The following GRK6 variants were observed in gnomAD, a reference collection of about 807,000 sequenced individuals.
The protein encoded by GRK6 is G protein-coupled receptor kinase 6.
A neutral mutation model predicts 80.8 loss-of-function variants in GRK6; 37 were observed. The ratio of observed to expected loss-of-function variants is 0.46; its 90% CI spans 0.35 to 0.60. The LOEUF (loss-of-function observed/expected upper bound fraction) is 0.60, where lower values mean the gene tolerates loss of function less well. Ranked by LOEUF, GRK6 falls within the 20% of genes least tolerant of loss-of-function variation. GRK6 has a pLI of 0.00. For synonymous variants in GRK6, 295 were observed against 320.9 expected, an observed-to-expected ratio of 0.92 and a Z score of 0.86; for missense variants, 560 against 784.6, an observed-to-expected ratio of 0.71 and a Z score of 3.42.
chr5:177,427,257 G>T (rs1482328179), intron 1 of GRK6, among the ~76,000 whole-genome samples: 1 of 152,210 alleles, frequency 6.6e-6, no homozygotes, highest in African/African-American at 2.4e-5. Flanking sequence ...CAGGGGCCCA[G>T]ACCCCAGCAC....
rs1581694937 is a variant in GRK6 at position 177,442,121 on chromosome 5, G to T, written c.*331G>T. On this transcript the variant is annotated 3_prime_UTR_variant, in exon 16 of 16. Coordinates refer to ENST00000355472, the MANE Select transcript of GRK6 (RefSeq NM_001004106.3). The stretch of plus-strand genomic sequence containing the variant: ...TGGCGCCCCCGCCTTGGCTCCTGGG[G>T]GCAGCCAGCCCTGGCTGGGAGAGCG... The T allele has an allele frequency of 2.9e-6, 1 of 349,278 alleles. No individual in the cohort carries two copies. Among genetic ancestry groups the T allele is most frequent in the Non-Finnish European group, 5.2e-6 (1 of 191,320 alleles). The allele number at this position is 349,278 out of a possible 1,614,324, so 21.6% of individuals were successfully genotyped here.
chr5:177,430,779 G>T (rs1763854117), intron 1 of GRK6, 93 bp from the exon 2 acceptor site: 3 of 1,083,280 alleles, frequency 2.8e-6, no homozygotes, highest in Non-Finnish European at 2.8e-6. Flanking sequence ...GCTCTGCCTT[G>T]GCTGGGCCCT....
chr5:177,435,267 G>C, intron 11 of GRK6, 146 bp downstream of exon 11: 1 of 628,852 alleles, frequency 1.6e-6, no homozygotes, highest in Non-Finnish European at 2.8e-6. Flanking sequence ...CTAGAGGTTA[G>C]GAGACCAAGA....
chr5:177,427,854 TAAA>T (rs148038811), intron 1 of GRK6, among the ~76,000 whole-genome samples: 2,761 of 152,254 alleles, frequency 0.018, 88 homozygotes, highest in African/African-American at 0.063. Context: ...CTTCCAGGCT[TAAA>T]AAGTCATCTG....
At chr5:177,431,889 C>A in intron 2 of GRK6, 106 bp from the exon 3 acceptor site, 3 of 949,804 alleles carry the variant, frequency 3.2e-6, no homozygotes, top group Non-Finnish European at 3.4e-6. Context: ...TACCACACTG[C>A]AGAGCTGGAA....
At chr5:177,432,652 TG>T in intron 4 of GRK6, 53 bp from the exon 5 acceptor site, 2 of 1,239,194 alleles carry the variant, frequency 1.6e-6, no homozygotes, top group African/African-American at 1.5e-5. Flanking sequence ...CCCCTGGAAG[TG>T]GGCAGCCATC....
At chr5:177,431,812 C>T in intron 2 of GRK6, 183 bp from the exon 3 acceptor site, 2 of 622,304 alleles carry the variant, frequency 3.2e-6, no homozygotes, top group South Asian at 1.9e-5. Flanking sequence ...CCTCTCTGGG[C>T]CTCACAGCCC....
rs930409789 is a variant in GRK6 at position 177,434,816 on chromosome 5, C to T, written c.930-86C>T. 50 of 1,496,648 alleles carry T rather than the reference C, an allele frequency of 3.3e-5. No individual in the cohort carries two copies. The Admixed American group carries it at 6.7e-4, about 20-fold the overall frequency. 92.7% of individuals were successfully genotyped at this position (1,496,648 alleles called of 1,614,324 possible). A position where few individuals can be genotyped will look rare whatever the true frequency, so the allele number is the denominator to read the frequency against. ...CGCACCTTGCTCCACACCTGGCCCC[C>T]GGAGGCGAGTGAGCTGGGGGGGCTG... On this transcript the variant is annotated intron_variant, in intron 9 of 15. Coordinates refer to ENST00000355472, the MANE Select transcript of GRK6 (RefSeq NM_001004106.3).
Position 177,441,838 on chromosome 5 carries a change from G to A in GRK6, c.*48G>A, listed in dbSNP as rs759810293. ...AGCAGTTGGCGGTAGCAGCTACTCC[G>A]AGCGCCGTTTACAGTTTTGCACAGT... is the stretch of plus-strand genomic sequence containing the variant. On this transcript the variant is annotated 3_prime_UTR_variant, in exon 16 of 16. Transcript: ENST00000355472. 2.2e-5 allele frequency: 35 copies of A among 1,568,340 alleles called. No homozygotes were observed. In the Admixed American group the frequency reaches 3.5e-4, roughly 16 times the overall value.
chr5:177,432,815 GT>G lies in GRK6; in HGVS notation c.440+10del. 1 of 1,598,020 alleles carries G rather than the reference GT, an allele frequency of 6.3e-7. No homozygotes were observed. The highest frequency in any genetic ancestry group is 1.1e-5 in the South Asian group (1 of 90,130). ...TTCCAGGAACTCACCCGGTAAGCCT[GT>G]CCCTGCCCACAAGCCTGGAATTATG... On this transcript the variant is annotated intron_variant, in intron 5 of 15. Coordinates refer to ENST00000355472, the MANE Select transcript of GRK6 (RefSeq NM_001004106.3).
chr5:177,441,686 G>A, intron 15 of GRK6, 51 bp from the exon 16 acceptor site: 2 of 1,461,956 alleles, frequency 1.4e-6, no homozygotes, highest in Non-Finnish European at 1.9e-6. Context: ...CGTGGTTAAT[G>A]GCACCTGCTC....
At chr5:177,434,412 CCTA>C (rs1764046839) in intron 9 of GRK6, among the ~76,000 whole-genome samples, 1 of 152,184 alleles carries the variant, frequency 6.6e-6, no homozygotes, top group African/African-American at 2.4e-5. Flanking sequence ...GACTATAATT[CCTA>C]CTTCCCAGGT....
In GRK6 at chr5:177,432,092, C is replaced by T. The variant is rs763155980; in HGVS notation, c.246C>T (p.Ala82=). Residue 82 remains alanine, a synonymous_variant, in exon 3 of 16, where the codon GCC becomes GCT. Transcript: ENST00000355472. ...GGCCGGAGCTGAGCCGCTGCGTCGC[C>T]TTCCTGGATGGGGTGGTGAGTGCAG... is the stretch of plus-strand genomic sequence containing the variant. The part of the protein sequence containing the change: ...ATRPELSRCV[A]FLDGVAEYEV... 1 of 1,611,236 alleles carries T rather than the reference C, an allele frequency of 6.2e-7. No homozygotes were observed. Among genetic ancestry groups the T allele is most frequent in the South Asian group, 1.1e-5 (1 of 90,832 alleles).
intron 4 of GRK6, 108 bp from the exon 5 acceptor site, chr5:177,432,598 C>G: frequency 3.7e-6 from 3 of 810,808 alleles, no homozygotes; most frequent in Non-Finnish European, 5.9e-6. Flanking sequence ...CACACCCTGG[C>G]CTGCAGCCTC....
rs998677194 is a variant in GRK6 at position 177,428,912 on chromosome 5, G to A, written c.53-1960G>A. 8.5e-5 allele frequency among the ~76,000 whole-genome samples: 13 copies of A among 152,114 alleles called. No homozygotes were observed. Among genetic ancestry groups the A allele is most frequent in the African/African-American group, 2.9e-4 (12 of 41,406 alleles). ...TGAGCTTGAGGCTGGGGCCCCTGAC[G>A]GCTTCTCAAGTGATCTGAGGCCCCA... On this transcript the variant is annotated intron_variant, in intron 1 of 15. Transcript: ENST00000355472. The surrounding 1 kb of genome is among the most constrained non-coding windows in gnomAD (Gnocchi z 4.1).
Position 177,430,966 on chromosome 5 carries a change from C to A in GRK6, c.147C>A (p.Leu49=). The A allele has an allele frequency of 6.2e-7, 1 of 1,612,688 alleles. No homozygotes were observed. Among genetic ancestry groups the A allele is most frequent in the South Asian group, 1.1e-5 (1 of 91,012 alleles). The change falls in exon 2 of 16, where the codon CTC becomes CTA. Residue 49 remains leucine (L), a splice_region_variant and synonymous_variant. Coordinates refer to ENST00000355472, the MANE Select transcript of GRK6 (RefSeq NM_001004106.3). The part of the protein sequence containing the change: ...ISQCEELRLS[L]ERDYHSLCER... ...AGTGCGAAGAGCTGCGGCTCAGCCT[C>A]GGTGAGGCCTGGGCAGAGACTGGGG... is the stretch of plus-strand genomic sequence containing the variant.
intron 2 of GRK6, chr5:177,431,785 C>T: frequency 1.7e-6 from 1 of 594,316 alleles, no homozygotes; most frequent in Non-Finnish European, 3.0e-6. Flanking sequence ...CTGTGTGACA[C>T]TGAGCTAGTC....
In GRK6 at chr5:177,441,909, C is replaced by T. The variant is rs1764529546; in HGVS notation, c.*119C>T. The T allele has an allele frequency of 1.1e-5, 10 of 931,392 alleles. No homozygotes were observed. Among genetic ancestry groups the T allele is most frequent in the Admixed American group, 2.0e-5 (1 of 49,114 alleles). The allele number at this position is 931,392 out of a possible 1,614,324, so 57.7% of individuals were successfully genotyped here. A position where few individuals can be genotyped will look rare whatever the true frequency, so the allele number is the denominator to read the frequency against. The stretch of plus-strand genomic sequence containing the variant: ...CAAGTCGTGGCCTGGGGAACACAGA[C>T]GGAGCTGTCCCCAGTGTCCTCCGTC... On this transcript the variant is annotated 3_prime_UTR_variant, in exon 16 of 16. Transcript: ENST00000355472.
intron 11 of GRK6, 117 bp from the exon 12 acceptor site, chr5:177,435,956 C>A (rs1468873969): frequency 2.4e-6 from 2 of 828,136 alleles, no homozygotes; most frequent in Non-Finnish European, 1.9e-6. Context: ...TGGCCAAGGT[C>A]CCCCCTGGCC....
Sources: gnomAD v4.1 joint callset for allele counts (sites outside exome capture counted in the v4.1 genomes callset) on GRCh38, gnomAD v4.1.1 for gene constraint, Gnocchi (gnomAD v3.1) non-coding constraint, MANE v1.5 for transcripts, NCBI Gene and HGNC (gene_info 2026-07-23, HGNC 2026-07-21) for gene names.